Variants in RELN observed in about 807,000 individuals in gnomAD.
RELN encodes the protein reelin.
RELN carries 108 observed loss-of-function variants against 427.6 expected under a neutral mutation model. The observed-to-expected ratio is 0.25, with a 90% CI of 0.22 to 0.30. RELN has a LOEUF of 0.30. Among genes scored for constraint, RELN ranks in the 10% least tolerant of loss-of-function variants. RELN has a pLI of 1.00. For synonymous variants in RELN, 1,524 were observed against 1,513.4 expected (o/e 1.01, Z -0.16); for missense variants, 3,715 against 4,302.8 (o/e 0.86, Z 3.82).
At chr7:103,742,357 G>A (rs533504841) in intron 6 of RELN, among the ~76,000 whole-genome samples, 44 of 152,238 alleles carry the variant, frequency 2.9e-4, no homozygotes, top group Middle Eastern at 3.4e-3. Flanking sequence ...AAATCAGAGC[G>A]CCTCTCCTCC....
rs756510287 is a variant in RELN at position 103,572,199 on chromosome 7, T to C, written c.4573A>G (p.Arg1525Gly). Reference sequence around the variant, plus strand: ...AGCAGCTTACCTTCATTTCTAGTTCTTGGTTTGATGCAGGTAATGCCTGAA... The same window carrying C: ...AGCAGCTTACCTTCATTTCTAGTTCCTGGTTTGATGCAGGTAATGCCTGAA... ...KTSGITCIKPRTRNEGLIVQY... is the reference protein window; with the variant it reads ...KTSGITCIKPGTRNEGLIVQY... Residue 1525 changes from arginine to glycine, a missense_variant, in exon 31 of 65, where the codon AGA (arginine) becomes GGA (glycine). Arg to Gly is a moderately radical substitution (Grantham distance 125). Around this residue, in one of 4 missense-constraint regions of RELN, gnomAD observed 2,208 missense variants for 2,361.7 expected, o/e 0.93. Transcript: ENST00000428762. 1.3e-6 allele frequency: 2 copies of C among 1,576,522 alleles called. No individual in the cohort carries two copies. The highest frequency in any genetic ancestry group is 1.1e-5 in the South Asian group (1 of 90,334).
chr7:103,881,996 C>T (rs1051163802), intron 2 of RELN, among the ~76,000 whole-genome samples: 18 of 152,162 alleles, frequency 1.2e-4, no homozygotes, highest in Non-Finnish European at 2.4e-4. Context: ...ATCAATCAAT[C>T]AGTCAAACAA....
chr7:103,602,223 C>T (rs140414538), intron 24 of RELN, among the ~76,000 whole-genome samples: 105 of 152,320 alleles, frequency 6.9e-4, no homozygotes, highest in African/African-American at 2.2e-3. Context: ...ATGAGGTAGA[C>T]ATTCCATATC....
chr7:103,765,958 T>A (rs1326943556), intron 4 of RELN, among the ~76,000 whole-genome samples: 2 of 152,282 alleles, frequency 1.3e-5, no homozygotes, highest in East Asian at 1.9e-4. Flanking sequence ...AAAAGAATAA[T>A]CAGACCCACC....
intron 1 of RELN, among the ~76,000 whole-genome samples, chr7:103,962,689 G>A (rs924263918): frequency 1.5e-4 from 22 of 148,832 alleles, no homozygotes; most frequent in African/African-American, 5.7e-4. Context: ...GCTAATATAT[G>A]TATTATGGAC....
chr7:103,896,146 C>T (rs1411948888), intron 2 of RELN, among the ~76,000 whole-genome samples: 1 of 151,978 alleles, frequency 6.6e-6, no homozygotes, highest in African/African-American at 2.4e-5. Flanking sequence ...ACACACCTAC[C>T]AACATGGCTA....
At chr7:103,539,363 T>G (rs776355343) in intron 44 of RELN, 36 bp from the exon 45 acceptor site, 2 of 1,603,324 alleles carry the variant, frequency 1.2e-6, no homozygotes, top group Non-Finnish European at 1.7e-6. Context: ...AAATTTTCCA[T>G]TTAGTTTTAA....
rs1224049310 is a variant in RELN at position 103,989,316 on chromosome 7, G to A, written c.41C>T (p.Ala14Val). The stretch of plus-strand genomic sequence containing the variant: ...CCTCAGCGTCGCCCCCAGCAACAGC[G>A]CTAGGAGGAAAGTCTGCCGGGCCCA... ...SGWARQTFLL[A>V]LLLGATLRAR... The change falls in exon 1 of 65, where the codon GCG (alanine) becomes GTG (valine). Residue 14 changes from alanine to valine, a missense_variant. Ala to Val is a moderately conservative substitution (Grantham distance 64). Around this residue, in one of 4 missense-constraint regions of RELN, gnomAD observed 2,208 missense variants for 2,361.7 expected, o/e 0.93. Coordinates refer to ENST00000428762, the MANE Select transcript of RELN (RefSeq NM_005045.4). The surrounding 1 kb of genome is among the most constrained non-coding windows in gnomAD (Gnocchi z 4.9). 5.7e-6 allele frequency: 9 copies of A among 1,590,538 alleles called. No individual in the cohort carries two copies. The highest frequency in any genetic ancestry group is 2.2e-5 in the South Asian group (2 of 89,870).
intron 16 of RELN, among the ~76,000 whole-genome samples, chr7:103,648,966 G>A (rs1832853945): frequency 6.6e-6 from 1 of 151,984 alleles, no homozygotes; most frequent in South Asian, 2.1e-4. Flanking sequence ...GGGGGAAAAG[G>A]AAACTCTTAG....
intron 2 of RELN, among the ~76,000 whole-genome samples, chr7:103,849,771 G>A (rs1055269271): frequency 2.6e-5 from 4 of 152,140 alleles, no homozygotes; most frequent in African/African-American, 9.7e-5. Context: ...TTAAAAATTT[G>A]TAAAACACAA....
chr7:103,720,183 G>T (rs987440320), intron 8 of RELN, among the ~76,000 whole-genome samples: 2 of 151,480 alleles, frequency 1.3e-5, no homozygotes, highest in African/African-American at 4.9e-5. Flanking sequence ...TTGTGTGTGT[G>T]TGTGTGTGTG....
intron 24 of RELN, among the ~76,000 whole-genome samples, chr7:103,598,029 T>C (rs1331906024): frequency 6.6e-6 from 1 of 152,136 alleles, no homozygotes; most frequent in African/African-American, 2.4e-5. Flanking sequence ...ATATACATAG[T>C]ATTACAGAAA....
rs1795962383 is a variant in RELN at position 103,935,516 on chromosome 7, T to G, written c.227-18331A>C. Among the ~76,000 whole-genome samples the G allele has an allele frequency of 1.3e-5, 2 of 152,104 alleles. 1 individual carries two copies. The highest frequency in any genetic ancestry group is 4.1e-4 in the South Asian group (2 of 4,830). ...CCTAAAGGCCAGTATTATTTAAGAC[T>G]CTGTCCTAGGCCCTCTTCCACTCCT... On this transcript the variant is annotated intron_variant, in intron 1 of 64. Coordinates refer to ENST00000428762, the MANE Select transcript of RELN (RefSeq NM_005045.4).
At chr7:103,669,300 A>C (rs1833339008) in intron 11 of RELN, among the ~76,000 whole-genome samples, 1 of 152,202 alleles carries the variant, frequency 6.6e-6, no homozygotes, top group Non-Finnish European at 1.5e-5. Flanking sequence ...TTTTTACAAG[A>C]TTCATGTTTT....
intron 20 of RELN, among the ~76,000 whole-genome samples, chr7:103,619,276 T>C (rs1832159499): frequency 6.6e-6 from 1 of 152,160 alleles, no homozygotes; most frequent in South Asian, 2.1e-4. Context: ...CTGTACACAA[T>C]GGCCATGATG....
At chr7:103,790,247 C>T (rs559743667) in intron 3 of RELN, among the ~76,000 whole-genome samples, 10 of 151,910 alleles carry the variant, frequency 6.6e-5, no homozygotes, top group East Asian at 3.9e-4. Flanking sequence ...GATGGGTTGA[C>T]GAGTGCAGCA....
At chr7:103,494,187 C>T (rs755121510) in intron 57 of RELN, among the ~76,000 whole-genome samples, 58 of 152,116 alleles carry the variant, frequency 3.8e-4, no homozygotes, top group Non-Finnish European at 7.4e-4. Flanking sequence ...GCTTGCCTTA[C>T]CCTCCAGTCC....
At chr7:103,880,899 T>G (rs1245857101) in intron 2 of RELN, among the ~76,000 whole-genome samples, 2 of 152,154 alleles carry the variant, frequency 1.3e-5, no homozygotes, top group African/African-American at 4.8e-5. Flanking sequence ...TTTCACCATG[T>G]TGTCCAGGCT....
intron 63 of RELN, among the ~76,000 whole-genome samples, chr7:103,482,434 T>C (rs1285207486): frequency 6.6e-6 from 1 of 152,202 alleles, no homozygotes; most frequent in African/African-American, 2.4e-5. Context: ...CTCTTTGTTC[T>C]AGTTGCAACC....
Sources: gnomAD v4.1 joint callset for allele counts (sites outside exome capture counted in the v4.1 genomes callset) on GRCh38, gnomAD v4.1.1 for gene constraint, gnomAD v4.1.1 regional missense constraint, Gnocchi (gnomAD v3.1) non-coding constraint, MANE v1.5 for transcripts, NCBI Gene and HGNC (gene_info 2026-07-23, HGNC 2026-07-21) for gene names.